The following SORT1 variants were observed in gnomAD, a reference collection of about 807,000 sequenced individuals.
SORT1 encodes the protein sortilin.
SORT1 carries 39 observed loss-of-function variants against 101.7 expected under a neutral mutation model. The observed-to-expected ratio is 0.38, with a 90% CI of 0.30 to 0.50. The LOEUF is 0.50. Ranked by LOEUF, SORT1 falls within the 20% of genes least tolerant of loss-of-function variation. The probability of loss-of-function intolerance (pLI) is 0.90; values close to 1 mark genes in which losing one functional copy is unlikely to be tolerated. For synonymous variants in SORT1, 396 were observed against 393.7 expected (o/e 1.01, Z -0.07); for missense variants, 878 against 1,040.4 (o/e 0.84, Z 2.15).
At chr1:109,331,734 G>C (rs1648467126) in intron 11 of SORT1, among the ~76,000 whole-genome samples, 1 of 151,946 alleles carries the variant, frequency 6.6e-6, no homozygotes, top group Non-Finnish European at 1.5e-5. Flanking sequence ...CAGAAAGAAA[G>C]AGGTAAAATT....
rs919519488 is a variant in SORT1 at position 109,314,075 on chromosome 1, C to T, written c.2482-18G>A. Reference sequence around the variant, plus strand: ...AAGAGGTCCTGAAAAAGACATGCACCATATTACCGACAGACCACAACACTC... The same window carrying T: ...AAGAGGTCCTGAAAAAGACATGCACTATATTACCGACAGACCACAACACTC... On this transcript the variant is annotated intron_variant, in intron 19 of 19. Coordinates refer to ENST00000256637, the MANE Select transcript of SORT1 (RefSeq NM_002959.7). 1.2e-6 allele frequency: 2 copies of T among 1,614,070 alleles called. No homozygotes were observed. The highest frequency in any genetic ancestry group is 1.7e-5 in the Admixed American group (1 of 60,016).
chr1:109,330,061 G>A (rs1250104864), intron 11 of SORT1, among the ~76,000 whole-genome samples: 1 of 152,180 alleles, frequency 6.6e-6, no homozygotes, highest in East Asian at 1.9e-4. Context: ...GAGTGCAGTG[G>A]CGTGATCTTG....
chr1:109,355,638 T>TCCC (rs779609132), intron 3 of SORT1, among the ~76,000 whole-genome samples, 169 bp from the exon 4 acceptor site: 75 of 41,240 alleles, frequency 1.8e-3, no homozygotes, highest in East Asian at 2.4e-3. Context: ...CGAAGAACAT[T>TCCC]CCACCCGCCC....
At chr1:109,339,583 A>T (rs1481489624) in intron 10 of SORT1, among the ~76,000 whole-genome samples, 4 of 152,370 alleles carry the variant, frequency 2.6e-5, no homozygotes, top group Admixed American at 2.6e-4. Context: ...TTACAAAAAT[A>T]GGAGAATATA....
At chr1:109,335,990 T>C (rs1377409524) in intron 11 of SORT1, among the ~76,000 whole-genome samples, 1 of 152,234 alleles carries the variant, frequency 6.6e-6, no homozygotes, top group Non-Finnish European at 1.5e-5. Context: ...AATTCAGCAG[T>C]TTAGTGAACC....
At chr1:109,375,412 G>T (rs765344373) in intron 1 of SORT1, among the ~76,000 whole-genome samples, 1 of 151,864 alleles carries the variant, frequency 6.6e-6, no homozygotes, top group East Asian at 1.9e-4. Flanking sequence ...GCGAGGTGGC[G>T]GGCGCCTGTA....
chr1:109,326,450 T>C (rs1272936247), intron 13 of SORT1, among the ~76,000 whole-genome samples: 4 of 27,652 alleles, frequency 1.4e-4, no homozygotes, highest in Non-Finnish European at 2.8e-4. Flanking sequence ...TATATATATA[T>C]ATATATATAT....
At chr1:109,350,243 A>G (rs1039473537) in intron 6 of SORT1, among the ~76,000 whole-genome samples, 7 of 152,248 alleles carry the variant, frequency 4.6e-5, no homozygotes, top group Non-Finnish European at 1.0e-4. Context: ...TTTTGGAGGC[A>G]TGAAGCCTGT....
rs1401643913 is a variant in SORT1 at position 109,314,700 on chromosome 1, T to C, written c.2329A>G (p.Ile777Val). The C allele has an allele frequency of 1.9e-6, 3 of 1,607,416 alleles. No homozygotes were observed. Among genetic ancestry groups the C allele is most frequent in the Non-Finnish European group, 2.6e-6 (3 of 1,173,926 alleles). ...CCCCCACAGACATATTTCTTCACAA[T>C]GAGCACTCCTGCTACGACTGTGACC... ...MLVTVVAGVL[I>V]VKKYVCGGRF... Residue 777 changes from isoleucine (I) to valine (V), a missense_variant, in exon 18 of 20, where the codon ATT becomes GTT. Ile to Val is a conservative substitution (Grantham distance 29). This residue lies in a region of SORT1 where 684 missense variants were observed against 894.5 expected (regional missense o/e 0.76). Coordinates refer to ENST00000256637, the MANE Select transcript of SORT1 (RefSeq NM_002959.7).
intron 7 of SORT1, 34 bp downstream of exon 7, chr1:109,347,449 A>G: frequency 6.8e-7 from 1 of 1,474,466 alleles, no homozygotes; most frequent in Non-Finnish European, 9.5e-7. Context: ...AATGGACAAC[A>G]GGACATTATT....
intron 3 of SORT1, among the ~76,000 whole-genome samples, chr1:109,360,908 G>T (rs1650683247): frequency 6.6e-6 from 1 of 152,174 alleles, no homozygotes; most frequent in South Asian, 2.1e-4. Context: ...CAACTGAATA[G>T]CTCTGTGGTC....
chr1:109,322,776 G>C (rs1489388406), intron 15 of SORT1, among the ~76,000 whole-genome samples, 156 bp downstream of exon 15: 1 of 152,200 alleles, frequency 6.6e-6, no homozygotes, highest in African/African-American at 2.4e-5. Flanking sequence ...CCGGCCTCAA[G>C]TGATCTGCCT....
chr1:109,379,836 C>T (rs2101644466), intron 1 of SORT1, among the ~76,000 whole-genome samples: 1 of 152,066 alleles, frequency 6.6e-6, no homozygotes, highest in Middle Eastern at 3.4e-3. Flanking sequence ...GCTAGCATTT[C>T]AAGTTAGTGG....
At chr1:109,374,729 C>A (rs190267634) in intron 1 of SORT1, among the ~76,000 whole-genome samples, 40 of 152,236 alleles carry the variant, frequency 2.6e-4, no homozygotes, top group Middle Eastern at 6.8e-3. Flanking sequence ...GAGACTGAGG[C>A]GGGCAGATCA....
intron 11 of SORT1, among the ~76,000 whole-genome samples, chr1:109,330,583 C>T (rs1053616246): frequency 7.9e-5 from 12 of 151,910 alleles, no homozygotes; most frequent in African/African-American, 2.7e-4. Context: ...AGAAAAAGAA[C>T]AAACTAAGCC....
intron 17 of SORT1, among the ~76,000 whole-genome samples, chr1:109,315,593 T>C (rs1258855911): frequency 1.3e-5 from 2 of 152,162 alleles, no homozygotes; most frequent in African/African-American, 4.8e-5. Context: ...TGATCCAGCT[T>C]GACCTCTCCT....
At chr1:109,391,417 G>T (rs1013273031) in intron 1 of SORT1, among the ~76,000 whole-genome samples, 2 of 152,148 alleles carry the variant, frequency 1.3e-5, no homozygotes, top group African/African-American at 4.8e-5. Flanking sequence ...ATGAATCATA[G>T]AATTTTTGAA....
chr1:109,361,217 C>T (rs766580451), intron 3 of SORT1, among the ~76,000 whole-genome samples: 49 of 152,306 alleles, frequency 3.2e-4, no homozygotes, highest in Non-Finnish European at 6.8e-4. Flanking sequence ...CAACATTTTA[C>T]TTAGATATTG....
chr1:109,359,104 C>T lies in SORT1; in HGVS notation c.441-3635G>A, dbSNP rs536738032. ...TTATAAACAGCAGAAATTCATTTCT[C>T]ACTGTTCTGGAGGCTGAGAAGTCCA... On this transcript the variant is annotated intron_variant, in intron 3 of 19. Coordinates refer to ENST00000256637, the MANE Select transcript of SORT1 (RefSeq NM_002959.7). 5.3e-4 allele frequency among the ~76,000 whole-genome samples: 80 copies of T among 152,256 alleles called. 2 individuals carry two copies. In the South Asian group the frequency reaches 0.015, roughly 29 times the overall value.
Sources: allele counts gnomAD v4.1 joint callset (sites outside exome capture counted in the v4.1 genomes callset), GRCh38; gene constraint gnomAD v4.1.1; regional missense constraint gnomAD v4.1.1; transcripts MANE v1.5; gene names NCBI Gene and HGNC (gene_info 2026-07-23, HGNC 2026-07-21).